The following CSMD1 variants were observed in gnomAD, a reference collection of about 807,000 sequenced individuals.
CSMD1 encodes CUB and sushi domain-containing protein 1.
A neutral mutation model predicts 417.5 loss-of-function variants in CSMD1; 213 were observed. That is an observed-to-expected ratio of 0.51 (90% CI 0.46 to 0.57). The LOEUF is 0.57. CSMD1 is among the 20% of genes least tolerant of loss of function. The pLI is 0.00. For missense variants in CSMD1, 6,923 were observed against 4,529.7 expected, an observed-to-expected ratio of 1.53 and a Z score of -15.17; for synonymous variants, 2,862 against 1,736.8, an observed-to-expected ratio of 1.65 and a Z score of -16.11.
intron 3 of CSMD1, among the ~76,000 whole-genome samples, chr8:4,307,813 A>C (rs1798330807): frequency 6.6e-6 from 1 of 152,172 alleles, no homozygotes; most frequent in African/African-American, 2.4e-5. Flanking sequence ...ACAGTCTGAA[A>C]AATTATAATA....
intron 1 of CSMD1, among the ~76,000 whole-genome samples, chr8:4,969,904 G>C (rs1345378795): frequency 1.3e-5 from 2 of 152,072 alleles, no homozygotes; most frequent in East Asian, 1.9e-4. Flanking sequence ...AGGTAGTTTA[G>C]AGTTTGAGTT....
In CSMD1 at chr8:4,839,874, G is replaced by A. The variant is rs921951; in HGVS notation, c.85+154458C>T. On this transcript the variant is annotated intron_variant, in intron 1 of 69. Coordinates refer to ENST00000635120, the MANE Select transcript of CSMD1 (RefSeq NM_033225.6). ...TAGAATGTATATCTTTCAATTCTTA[G>A]TACTAGCTATTCTGAGGAACAACTA... Among the ~76,000 whole-genome samples the A allele has an allele frequency of 1.2e-4, 19 of 152,080 alleles. No individual in the cohort carries two copies. In the East Asian group the frequency reaches 2.9e-3, roughly 23 times the overall value.
intron 4 of CSMD1, among the ~76,000 whole-genome samples, chr8:4,008,610 T>TA (rs1563312980): frequency 8.4e-5 from 11 of 131,312 alleles, no homozygotes; most frequent in African/African-American, 3.2e-4. Context: ...CTTTTTTTTT[T>TA]TTTTTTTTTT....
intron 3 of CSMD1, among the ~76,000 whole-genome samples, chr8:4,337,630 C>T (rs1017377169): frequency 3.3e-5 from 5 of 152,138 alleles, no homozygotes; most frequent in African/African-American, 1.2e-4. Context: ...AAGTGTCATG[C>T]TGAACTATTC....
At chr8:3,477,306 T>C (rs1395919204) in intron 11 of CSMD1, among the ~76,000 whole-genome samples, 3 of 152,206 alleles carry the variant, frequency 2.0e-5, no homozygotes, top group Admixed American at 6.5e-5. Flanking sequence ...AATTTGACAA[T>C]GGAAACGTAA....
intron 5 of CSMD1, among the ~76,000 whole-genome samples, chr8:3,850,522 C>T (rs2954225): frequency 0.15 from 23,239 of 151,848 alleles, 1,976 homozygotes; most frequent in East Asian, 0.39. Context: ...TGGCAAAACC[C>T]CATCTCTATT....
At chr8:4,328,491 G>C (rs1847571) in intron 3 of CSMD1, among the ~76,000 whole-genome samples, 1 of 151,642 alleles carries the variant, frequency 6.6e-6, no homozygotes, top group African/African-American at 2.4e-5. Context: ...ACAAAAATTA[G>C]AAATACTCCT....
At chr8:4,240,382 A>C (rs1289557493) in intron 3 of CSMD1, among the ~76,000 whole-genome samples, 2 of 152,212 alleles carry the variant, frequency 1.3e-5, no homozygotes, top group African/African-American at 4.8e-5. Flanking sequence ...CCCATTTTGC[A>C]GGCATCACAG....
intron 3 of CSMD1, among the ~76,000 whole-genome samples, chr8:4,105,002 G>A (rs969764816): frequency 3.1e-4 from 45 of 145,452 alleles, no homozygotes; most frequent in Non-Finnish European, 6.1e-4. Flanking sequence ...TAAAAAAAAA[G>A]CAATTCAATT....
rs748057437 is a variant in CSMD1, at chr8:2,938,541, A to G, written c.*44T>C. The G allele has an allele frequency of 3.8e-6, 6 of 1,571,874 alleles. No individual in the cohort carries two copies. In the East Asian group the frequency reaches 1.1e-4, roughly 30 times the overall value. ...GCACCAAAGGAATCACTGCTTGTCC[A>G]TCAGAGGTATGGCTATGAATCAGTC... On this transcript the variant is annotated 3_prime_UTR_variant, in exon 70 of 70. Transcript: ENST00000635120.
At chr8:4,813,173 C>T (rs532415331) in intron 1 of CSMD1, among the ~76,000 whole-genome samples, 1 of 152,182 alleles carries the variant, frequency 6.6e-6, no homozygotes, top group Non-Finnish European at 1.5e-5. Context: ...CTAATGCATA[C>T]ACTAAACGAA....
intron 10 of CSMD1, among the ~76,000 whole-genome samples, chr8:3,566,501 T>C (rs1319954791): frequency 2.0e-5 from 3 of 151,776 alleles, no homozygotes; most frequent in Non-Finnish European, 4.4e-5. Context: ...GCTGTCAGTG[T>C]GCTCAGCCCC....
chr8:3,758,170 G>C (rs942478383), intron 5 of CSMD1, among the ~76,000 whole-genome samples: 1 of 152,004 alleles, frequency 6.6e-6, no homozygotes, highest in Non-Finnish European at 1.5e-5. Flanking sequence ...CACCATTTTG[G>C]CCAGGCTGGT....
At chr8:4,340,827 T>C (rs1800436258) in intron 3 of CSMD1, among the ~76,000 whole-genome samples, 1 of 152,064 alleles carries the variant, frequency 6.6e-6, no homozygotes, top group South Asian at 2.1e-4. Context: ...ACTTCTAGAA[T>C]CTCAATTATT....
At chr8:4,439,769 C>T (rs901465829) in intron 2 of CSMD1, among the ~76,000 whole-genome samples, 1 of 151,990 alleles carries the variant, frequency 6.6e-6, no homozygotes, top group Non-Finnish European at 1.5e-5. Flanking sequence ...AATGGAGAAT[C>T]CTAAGCCTAC....
chr8:4,642,503 A>G (rs1214880657), intron 1 of CSMD1, among the ~76,000 whole-genome samples: 3 of 152,270 alleles, frequency 2.0e-5, no homozygotes, highest in East Asian at 3.9e-4. Flanking sequence ...TCTGTGATCC[A>G]AACTGATTCA....
chr8:3,920,181 G>C (rs939500184), intron 5 of CSMD1, among the ~76,000 whole-genome samples: 1 of 152,018 alleles, frequency 6.6e-6, no homozygotes, highest in African/African-American at 2.4e-5. Context: ...CTACAGGTGT[G>C]TGCCAGCATA....
intron 6 of CSMD1, among the ~76,000 whole-genome samples, chr8:3,723,644 T>A (rs1046291284): frequency 7.4e-6 from 1 of 135,290 alleles, no homozygotes; most frequent in Non-Finnish European, 1.6e-5. Flanking sequence ...GTAGTGTCTG[T>A]CTTTGTAACT....
At chr8:4,753,828 A>G (rs910898781) in intron 1 of CSMD1, among the ~76,000 whole-genome samples, 8 of 152,088 alleles carry the variant, frequency 5.3e-5, no homozygotes, top group African/African-American at 1.9e-4. Flanking sequence ...TCATCCTGTT[A>G]TTATTTCGCA....
Sources: allele counts gnomAD v4.1 joint callset (sites outside exome capture counted in the v4.1 genomes callset), GRCh38; gene constraint gnomAD v4.1.1; transcripts MANE v1.5; gene names NCBI Gene and HGNC (gene_info 2026-07-23, HGNC 2026-07-21).